Variants in QRSL1 observed in about 807,000 individuals in gnomAD.
The protein encoded by QRSL1 is glutamyl-tRNA(Gln) amidotransferase subunit A, mitochondrial.
In QRSL1, 54 loss-of-function variants were observed where a neutral mutation model predicts 61.6. The observed-to-expected ratio is 0.88, with a 90% CI of 0.70 to 1.10. The LOEUF (loss-of-function observed/expected upper bound fraction) is 1.10, where lower values mean the gene tolerates loss of function less well. QRSL1 is among the 50% of genes least tolerant of loss of function. The probability of loss-of-function intolerance (pLI) is 0.00; values close to 1 mark genes in which losing one functional copy is unlikely to be tolerated. For synonymous variants in QRSL1, 228 were observed against 225.7 expected (o/e 1.01, Z -0.09); for missense variants, 505 against 622.6 (o/e 0.81, Z 2.01).
intron 9 of QRSL1, among the ~76,000 whole-genome samples, chr6:106,661,734 C>A (rs1214159216): frequency 1.0e-5 from 1 of 95,320 alleles, no homozygotes; most frequent in Admixed American, 1.8e-4. Context: ...GACGGAGTTC[C>A]GCTCTTGTTT....
rs1239353033 is a variant in QRSL1 at position 106,666,145 on chromosome 6, C to A, written c.*143C>A. On this transcript the variant is annotated 3_prime_UTR_variant, in exon 11 of 11. Transcript: ENST00000369046. The stretch of plus-strand genomic sequence containing the variant: ...TGGTCAACATGGTGAAACCCCGTCT[C>A]TACTAAAAATACAAAAATTAGCCAG... 2 of 681,234 alleles carry A rather than the reference C, an allele frequency of 2.9e-6. No homozygotes were observed. The highest frequency in any genetic ancestry group is 4.9e-6 in the Non-Finnish European group (2 of 405,968). 42.2% of individuals were successfully genotyped at this position (681,234 alleles called of 1,614,324 possible).
chr6:106,649,042 G>C lies in QRSL1; in HGVS notation c.398G>C (p.Gly133Ala). 6.2e-7 allele frequency: 1 copy of C among 1,611,906 alleles called. No individual in the cohort carries two copies. The highest frequency in any genetic ancestry group is 8.5e-7 in the Non-Finnish European group (1 of 1,178,934). Residue 133 changes from glycine (G) to alanine (A), a missense_variant, in exon 5 of 11, where the codon GGT becomes GCT. Transcript: ENST00000369046. ...GTCATCAGATCTGGGAGCACAGATG[G>C]TGTATTTGGACCAGTTAAAAACCCC... Reference protein sequence around the residue: ...EFAMGSGSTDGVFGPVKNPWS... With the variant: ...EFAMGSGSTDAVFGPVKNPWS...
chr6:106,640,946 T>C (rs760503178), intron 3 of QRSL1, 25 bp downstream of exon 3: 21 of 1,527,516 alleles, frequency 1.4e-5, no homozygotes, highest in Non-Finnish European at 1.9e-5. Flanking sequence ...ATCAGAGCAT[T>C]GATAATTTTA....
rs773027651 is a variant in QRSL1 at position 106,663,174 on chromosome 6, TA to T, written c.1358del (p.Asn453IlefsTer8). 5 of 1,613,770 alleles carry T rather than the reference TA, an allele frequency of 3.1e-6. No homozygotes were observed. Among genetic ancestry groups the T allele is most frequent in the Non-Finnish European group, 4.2e-6 (5 of 1,179,790 alleles). Reference protein sequence around the residue: ...SAQDDIFTQAVNMAGLPAVSI... With the variant: ...SAQDDIFTQAXNMAGLPAVSI... ...CAGGATGATATTTTTACACAAGCTG[TA>T]AATATGGCAGGTGAGGATTCCTCAG... On this transcript the variant is annotated frameshift_variant, in exon 10 of 11. Transcript: ENST00000369046. LOFTEE classifies it high-confidence loss of function.
At chr6:106,641,376 A>G (rs1777016489) in intron 3 of QRSL1, among the ~76,000 whole-genome samples, 1 of 152,236 alleles carries the variant, frequency 6.6e-6, no homozygotes, top group African/African-American at 2.4e-5. Context: ...GGGAATAAGT[A>G]TGAACTGGCT....
intron 1 of QRSL1, among the ~76,000 whole-genome samples, chr6:106,638,213 A>G (rs1582406990): frequency 6.6e-6 from 1 of 152,108 alleles, no homozygotes; most frequent in East Asian, 1.9e-4. Context: ...GCCTACTACC[A>G]TCTTTGTTCT....
intron 3 of QRSL1, 155 bp from the exon 4 acceptor site, chr6:106,642,839 C>A: frequency 1.3e-6 from 1 of 762,608 alleles, no homozygotes. Context: ...GACGTGCCAG[C>A]CTGCTCCACC....
chr6:106,654,092 C>T (rs930917836), intron 7 of QRSL1, among the ~76,000 whole-genome samples: 8 of 152,158 alleles, frequency 5.3e-5, no homozygotes, highest in Non-Finnish European at 1.0e-4. Context: ...TGGCTCACGC[C>T]TGTAATCCCA....
chr6:106,656,595 C>T (rs1777275532), intron 9 of QRSL1, among the ~76,000 whole-genome samples: 1 of 152,220 alleles, frequency 6.6e-6, no homozygotes, highest in Admixed American at 6.5e-5. Flanking sequence ...GAGTTTTTCT[C>T]CATGCCCTCA....
At chr6:106,640,730 G>A in intron 2 of QRSL1, 93 bp from the exon 3 acceptor site, 1 of 1,190,406 alleles carries the variant, frequency 8.4e-7, no homozygotes, top group South Asian at 1.4e-5. Flanking sequence ...AAGTATCTTT[G>A]CCAAAAACTA....
intron 5 of QRSL1, among the ~76,000 whole-genome samples, chr6:106,649,619 AG>A (rs1777164675): frequency 6.6e-6 from 1 of 152,330 alleles, no homozygotes; most frequent in Non-Finnish European, 1.5e-5. Flanking sequence ...TCCTTCAGCA[AG>A]ATCAATCTTT....
At chr6:106,662,520 A>T (rs912000488) in intron 9 of QRSL1, among the ~76,000 whole-genome samples, 4 of 151,582 alleles carry the variant, frequency 2.6e-5, no homozygotes, top group African/African-American at 9.7e-5. Flanking sequence ...AACAATGCCT[A>T]AACTCTTTAT....
At chr6:106,658,043 G>A (rs201487485) in intron 9 of QRSL1, among the ~76,000 whole-genome samples, 1 of 152,080 alleles carries the variant, frequency 6.6e-6, no homozygotes, top group Non-Finnish European at 1.5e-5. Context: ...ATTTACTTAT[G>A]TAACACATTT....
In QRSL1 at chr6:106,661,686, CTTTTTTTTTTTTTTTTT is replaced by C. The variant is rs572306794; in HGVS notation, c.1161-1275_1161-1259del. ...CTGTTGTGGAAAAGAATGGTTAGTT[CTTTTTTTTTTTTTTTTT>C]TTTTTTTTTTTTTTTTTTGAGACGG... On this transcript the variant is annotated intron_variant, in intron 9 of 10. Transcript: ENST00000369046. 5.9e-3 allele frequency among the ~76,000 whole-genome samples: 323 copies of C among 55,100 alleles called. 3 individuals are homozygous for C. The highest frequency in any genetic ancestry group is 0.019 in the African/African-American group (306 of 15,940). 36.1% of individuals were successfully genotyped at this position (55,100 alleles called of 152,430 possible). A position where few individuals can be genotyped will look rare whatever the true frequency, so the allele number is the denominator to read the frequency against.
intron 1 of QRSL1, among the ~76,000 whole-genome samples, chr6:106,635,367 C>A (rs1191083725): frequency 6.6e-6 from 1 of 152,108 alleles, no homozygotes. Context: ...TTGAATGCTA[C>A]TAAGGAGTAC....
rs1389183177 is a variant in QRSL1 at position 106,667,415 on chromosome 6, T to G, written c.*1413T>G. Reference sequence around the variant, plus strand: ...CTCATGATAAGGCTTCATCACTGGATTTCTGTGTCTTCACTAGAACACCAT... The same window carrying G: ...CTCATGATAAGGCTTCATCACTGGAGTTCTGTGTCTTCACTAGAACACCAT... On this transcript the variant is annotated 3_prime_UTR_variant, in exon 11 of 11. Coordinates refer to ENST00000369046, the MANE Select transcript of QRSL1 (RefSeq NM_018292.5). 2 of 152,238 alleles carry G rather than the reference T, an allele frequency of 1.3e-5. No homozygotes were observed. The highest frequency in any genetic ancestry group is 4.8e-5 in the African/African-American group (2 of 41,458). The allele number at this position is 152,238 out of a possible 1,614,324, so 9.4% of individuals were successfully genotyped here.
chr6:106,640,803 C>CT lies in QRSL1; in HGVS notation c.185-16dup. ...ATTTTAAACTATCTCCTTTATCACTCTTTTGGCTTTTTAATGCAGGACAGT... is the reference window on the plus strand; with the variant it reads ...ATTTTAAACTATCTCCTTTATCACTCTTTTTGGCTTTTTAATGCAGGACAGT... On this transcript the variant is annotated intron_variant, in intron 2 of 10. Coordinates refer to ENST00000369046, the MANE Select transcript of QRSL1 (RefSeq NM_018292.5). The CT allele has an allele frequency of 6.3e-7, 1 of 1,584,644 alleles. No individual in the cohort carries two copies. Among genetic ancestry groups the CT allele is most frequent in the Non-Finnish European group, 8.7e-7 (1 of 1,154,246 alleles).
At chr6:106,650,586 A>G (rs1436068565) in intron 5 of QRSL1, among the ~76,000 whole-genome samples, 2 of 151,982 alleles carry the variant, frequency 1.3e-5, no homozygotes, top group African/African-American at 2.4e-5. Context: ...TTCTTTTACA[A>G]TAGCTTTTAA....
intron 7 of QRSL1, chr6:106,652,825 T>C: frequency 7.2e-7 from 1 of 1,385,674 alleles, no homozygotes; most frequent in East Asian, 2.5e-5. Flanking sequence ...GTCTGTAAAT[T>C]GTTTCTGTAA....
Sources: gnomAD v4.1 joint callset for allele counts (sites outside exome capture counted in the v4.1 genomes callset) on GRCh38, gnomAD v4.1.1 for gene constraint, MANE v1.5 for transcripts, NCBI Gene and HGNC (gene_info 2026-07-23, HGNC 2026-07-21) for gene names.